Variants in SNED1 observed in about 807,000 individuals in gnomAD.
The protein encoded by SNED1 is sushi, nidogen and EGF like domains 1.
A neutral mutation model predicts 166.7 loss-of-function variants in SNED1; 81 were observed. The ratio of observed to expected loss-of-function variants is 0.49; its 90% CI spans 0.41 to 0.58. The LOEUF is 0.58. Among genes scored for constraint, SNED1 ranks in the 20% least tolerant of loss-of-function variants. The pLI, the probability that SNED1 is intolerant of heterozygous loss-of-function variation, is 0.00. For synonymous variants in SNED1, 762 were observed against 822.0 expected, an observed-to-expected ratio of 0.93 and a Z score of 1.25; for missense variants, 1,604 against 2,000.2, an observed-to-expected ratio of 0.80 and a Z score of 3.78.
intron 31 of SNED1, chr2:241,089,987 G>A (rs746143235): frequency 1.3e-6 from 2 of 1,548,726 alleles, no homozygotes; most frequent in Middle Eastern, 1.7e-4. Context: ...TACCTGGGCA[G>A]GGCGCTTAGC....
chr2:241,023,888 C>CTTTTTTTTTTT (rs34234341), intron 1 of SNED1, among the ~76,000 whole-genome samples: 59 of 92,008 alleles, frequency 6.4e-4, no homozygotes, highest in Admixed American at 9.2e-4. Flanking sequence ...TTTTTTTTTC[C>CTTTTTTTTTTT]TTTTTTTTTT....
intron 2 of SNED1, among the ~76,000 whole-genome samples, chr2:241,032,166 A>G (rs913303338): frequency 6.6e-6 from 1 of 152,118 alleles, no homozygotes; most frequent in African/African-American, 2.4e-5. Flanking sequence ...CCTGGCCAAC[A>G]TGACGAACTC....
At chr2:241,056,160 T>A (rs1342774672) in intron 16 of SNED1, among the ~76,000 whole-genome samples, 1 of 152,128 alleles carries the variant, frequency 6.6e-6, no homozygotes, top group Admixed American at 6.5e-5. Flanking sequence ...AAATTTTCTT[T>A]ATGTTAAAGA....
rs540504539 is a variant in SNED1, at chr2:241,030,622, G to C, written c.501+51G>C. On this transcript the variant is annotated intron_variant, in intron 2 of 31. Coordinates refer to ENST00000310397, the MANE Select transcript of SNED1 (RefSeq NM_001080437.3). ...AGGGTGGGTGTGTGGCTAGGGCCCA[G>C]GGTCTCCCCGCACCAGGGCTCCCTC... 98 of 1,572,874 alleles carry C rather than the reference G, an allele frequency of 6.2e-5. 2 individuals are homozygous for C. In the South Asian group the frequency reaches 1.1e-3, roughly 18 times the overall value.
At chr2:241,062,946 C>T in intron 17 of SNED1, 42 bp downstream of exon 17, 1 of 1,317,206 alleles carries the variant, frequency 7.6e-7, no homozygotes, top group Non-Finnish European at 1.0e-6. Flanking sequence ...AGCTGCAGCA[C>T]ACTGGCCATG....
At chr2:241,047,816 C>T (rs1387399387) in intron 8 of SNED1, among the ~76,000 whole-genome samples, 1 of 151,076 alleles carries the variant, frequency 6.6e-6, no homozygotes, top group Non-Finnish European at 1.5e-5. Flanking sequence ...CTGTCCATTC[C>T]CAGGTGGTTT....
intron 7 of SNED1, 30 bp from the exon 8 acceptor site, chr2:241,040,270 A>G (rs1422999010): frequency 8.2e-6 from 13 of 1,579,228 alleles, no homozygotes; most frequent in Non-Finnish European, 1.1e-5. Flanking sequence ...GCCTGGCTCA[A>G]GCCAAGCCCG....
At chr2:241,039,618 C>T (rs1198226869) in intron 6 of SNED1, among the ~76,000 whole-genome samples, 1 of 152,104 alleles carries the variant, frequency 6.6e-6, no homozygotes, top group East Asian at 1.9e-4. Context: ...GCCGTTCCTG[C>T]ACAGGCCACT....
rs551430496 is a variant in SNED1 at position 241,072,808 on chromosome 2, G to A, written c.3818-458G>A. The A allele has an allele frequency of 3.1e-5, 6 of 195,674 alleles. No individual in the cohort carries two copies. In the South Asian group the frequency reaches 6.4e-4, roughly 21 times the overall value. The allele number at this position is 195,674 out of a possible 1,614,324, so 12.1% of individuals were successfully genotyped here. On this transcript the variant is annotated intron_variant, in intron 26 of 31. Transcript: ENST00000310397. ...ATATGAAGTGCCCGAGGGTGCGGTT[G>A]AGATCCCTGCATAAGAAGTGATGCA... is the stretch of plus-strand genomic sequence containing the variant.
At chr2:241,014,181 G>A (rs191725309) in intron 1 of SNED1, among the ~76,000 whole-genome samples, 1 of 152,016 alleles carries the variant, frequency 6.6e-6, no homozygotes, top group African/African-American at 2.4e-5. Context: ...GCTAAGTTTT[G>A]TATTTTTAGG....
intron 27 of SNED1, among the ~76,000 whole-genome samples, chr2:241,078,350 T>G (rs1267170135): frequency 3.5e-5 from 5 of 143,208 alleles, no homozygotes; most frequent in Non-Finnish European, 1.5e-5. Flanking sequence ...GCCACTGCAC[T>G]GCAGCCTGGG....
intron 15 of SNED1, among the ~76,000 whole-genome samples, chr2:241,052,835 T>C (rs903932515): frequency 0.042 from 4,009 of 94,444 alleles, 222 homozygotes; most frequent in East Asian, 0.19. Flanking sequence ...GATGCCGGTG[T>C]CAGGCAGGTG....
rs561116073 is a variant in SNED1 at position 241,075,041 on chromosome 2, C to G, written c.3916+1677C>G. On this transcript the variant is annotated intron_variant, in intron 27 of 31. Coordinates refer to ENST00000310397, the MANE Select transcript of SNED1 (RefSeq NM_001080437.3). This position sits in a 1 kb window ranked among gnomAD's most constrained non-coding sequence, Gnocchi z 4.8. ...TGTGATCGTTAGACCTGTGTTTTCA[C>G]TCCGCATTCTCGGACTGAGGTTGGC... The G allele has an allele frequency of 1.3e-5, 2 of 152,348 alleles. No homozygotes were observed. Among genetic ancestry groups the G allele is most frequent in the Admixed American group, 6.5e-5 (1 of 15,300 alleles). 9.4% of individuals were successfully genotyped at this position (152,348 alleles called of 1,614,324 possible). A position where few individuals can be genotyped will look rare whatever the true frequency, so the allele number is the denominator to read the frequency against.
At chr2:241,053,099 G>A in intron 15 of SNED1, 54 bp from the exon 16 acceptor site, 2 of 1,543,126 alleles carry the variant, frequency 1.3e-6, no homozygotes, top group Non-Finnish European at 8.8e-7. Context: ...CAGGGCGGTG[G>A]GGAGGGGCCA....
chr2:241,077,735 T>C (rs1306497990), intron 27 of SNED1, among the ~76,000 whole-genome samples: 4 of 152,124 alleles, frequency 2.6e-5, no homozygotes, highest in Non-Finnish European at 4.4e-5. Flanking sequence ...TGGCCAGTAA[T>C]CACACCGAAA....
chr2:241,007,879 G>A (rs2106551306), intron 1 of SNED1, among the ~76,000 whole-genome samples: 1 of 152,316 alleles, frequency 6.6e-6, no homozygotes. Context: ...GAATCGATGT[G>A]TGTCTGTCCT....
chr2:241,027,574 C>G (rs985984019), intron 1 of SNED1, among the ~76,000 whole-genome samples: 3 of 152,002 alleles, frequency 2.0e-5, no homozygotes. Flanking sequence ...CGTTATAGAC[C>G]CAGAAGTGAA....
At chr2:241,033,236 C>T (rs1235283863) in intron 2 of SNED1, among the ~76,000 whole-genome samples, 1 of 152,158 alleles carries the variant, frequency 6.6e-6, no homozygotes, top group Non-Finnish European at 1.5e-5. Context: ...TAAACAGTCC[C>T]GATCCTTTGC....
At chr2:241,014,623 C>T (rs535433700) in intron 1 of SNED1, among the ~76,000 whole-genome samples, 7 of 152,246 alleles carry the variant, frequency 4.6e-5, no homozygotes, top group Admixed American at 2.6e-4. Flanking sequence ...TCTTTCTCGC[C>T]GATTCGTGGG....
Sources: gnomAD v4.1 joint callset for allele counts (sites outside exome capture counted in the v4.1 genomes callset) on GRCh38, gnomAD v4.1.1 for gene constraint, Gnocchi (gnomAD v3.1) non-coding constraint, MANE v1.5 for transcripts, NCBI Gene and HGNC (gene_info 2026-07-23, HGNC 2026-07-21) for gene names.